The following FHIT variants were observed in gnomAD, a reference collection of about 807,000 sequenced individuals.
FHIT encodes the protein bis(5'-adenosyl)-triphosphatase.
A neutral mutation model predicts 17.9 loss-of-function variants in FHIT; 19 were observed. That is an observed-to-expected ratio of 1.06 (90% CI 0.74 to 1.56). The LOEUF (loss-of-function observed/expected upper bound fraction) is 1.56, where lower values mean the gene tolerates loss of function less well. FHIT is among the 40% of genes most tolerant of loss of function. The pLI, the probability that FHIT is intolerant of heterozygous loss-of-function variation, is 0.00. For synonymous variants in FHIT, 81 were observed against 69.7 expected (o/e 1.16, Z -0.81); for missense variants, 248 against 189.2 (o/e 1.31, Z -1.82).
chr3:59,850,403 T>G (rs1015187522), intron 8 of FHIT, among the ~76,000 whole-genome samples: 3 of 152,156 alleles, frequency 2.0e-5, no homozygotes, highest in African/African-American at 7.2e-5. Flanking sequence ...ATGGAATCCT[T>G]GTTGTTTTCT....
chr3:61,123,120 G>C (rs1466997993), intron 2 of FHIT, among the ~76,000 whole-genome samples: 1 of 152,174 alleles, frequency 6.6e-6, no homozygotes, highest in Non-Finnish European at 1.5e-5. Context: ...ATTAATGATA[G>C]ACTGGATAAA....
At chr3:59,926,193 A>G (rs1705651579) in intron 7 of FHIT, among the ~76,000 whole-genome samples, 1 of 152,238 alleles carries the variant, frequency 6.6e-6, no homozygotes, top group Non-Finnish European at 1.5e-5. Flanking sequence ...ATTTCCACAC[A>G]AAAGATGCTT....
intron 7 of FHIT, among the ~76,000 whole-genome samples, chr3:59,979,846 C>G (rs547727129): frequency 6.6e-6 from 1 of 152,108 alleles, no homozygotes; most frequent in African/African-American, 2.4e-5. Context: ...TAAAAAGCAA[C>G]AGAAATGAGA....
chr3:60,675,231 T>C (rs1163189517), intron 4 of FHIT, among the ~76,000 whole-genome samples: 2 of 152,238 alleles, frequency 1.3e-5, no homozygotes, highest in African/African-American at 2.4e-5. Flanking sequence ...TCATTGTGGC[T>C]TGAAAACTAA....
intron 5 of FHIT, among the ~76,000 whole-genome samples, chr3:60,411,675 T>C (rs76207534): frequency 0.04 from 6,085 of 152,220 alleles, 401 homozygotes; most frequent in African/African-American, 0.14. Context: ...CTTAAAATTG[T>C]GTTTTAGATT....
At chr3:60,383,652 G>A (rs1458790759) in intron 5 of FHIT, among the ~76,000 whole-genome samples, 1 of 141,184 alleles carries the variant, frequency 7.1e-6, no homozygotes, top group Non-Finnish European at 1.6e-5. Flanking sequence ...ATGGACATGA[G>A]CTACTGAAAA....
chr3:60,284,162 G>C (rs902892080), intron 5 of FHIT, among the ~76,000 whole-genome samples: 15 of 152,218 alleles, frequency 9.9e-5, no homozygotes, highest in Non-Finnish European at 2.2e-4. Context: ...AACTGAAAAT[G>C]AGAACAAACT....
At chr3:59,774,142 C>G (rs1702198088) in intron 8 of FHIT, among the ~76,000 whole-genome samples, 1 of 152,138 alleles carries the variant, frequency 6.6e-6, no homozygotes, top group Admixed American at 6.5e-5. Context: ...TGATCAAGAA[C>G]AGGCATTGGC....
intron 5 of FHIT, among the ~76,000 whole-genome samples, chr3:60,406,250 G>T (rs1282516070): frequency 6.6e-6 from 1 of 152,050 alleles, no homozygotes; most frequent in Non-Finnish European, 1.5e-5. Flanking sequence ...TGTTTATCAG[G>T]GCACAATACT....
chr3:60,138,356 C>A (rs192983521), intron 5 of FHIT, among the ~76,000 whole-genome samples: 1 of 152,106 alleles, frequency 6.6e-6, no homozygotes. Flanking sequence ...GGCTAGGAAT[C>A]CAGGTAACAA....
At chr3:60,402,618 G>C (rs973041010) in intron 5 of FHIT, among the ~76,000 whole-genome samples, 9 of 152,120 alleles carry the variant, frequency 5.9e-5, no homozygotes, top group African/African-American at 2.2e-4. Flanking sequence ...CCAGATTTCT[G>C]ACAGACACCT....
chr3:61,192,371 T>C (rs1344001775), intron 2 of FHIT, among the ~76,000 whole-genome samples: 4 of 152,178 alleles, frequency 2.6e-5, no homozygotes, highest in Admixed American at 2.6e-4. Context: ...AATAGCTGAG[T>C]GCTCAAAATC....
intron 5 of FHIT, among the ~76,000 whole-genome samples, chr3:60,104,505 C>A (rs1704326073): frequency 6.8e-6 from 1 of 146,422 alleles, no homozygotes; most frequent in Non-Finnish European, 1.5e-5. Flanking sequence ...TTACAACAAT[C>A]AGTGGGCTTA....
intron 5 of FHIT, among the ~76,000 whole-genome samples, chr3:60,408,782 T>A (rs1312841516): frequency 6.6e-6 from 1 of 152,188 alleles, no homozygotes; most frequent in Non-Finnish European, 1.5e-5. Context: ...TTGATTAAGT[T>A]CTATCCTGGC....
At chr3:60,778,199 T>C (rs1300752920) in intron 4 of FHIT, among the ~76,000 whole-genome samples, 2 of 152,194 alleles carry the variant, frequency 1.3e-5, no homozygotes, top group Admixed American at 1.3e-4. Flanking sequence ...ATAATTAAGG[T>C]TTTTATGTTA....
intron 5 of FHIT, among the ~76,000 whole-genome samples, chr3:60,481,468 G>A (rs1026372365): frequency 6.6e-6 from 1 of 152,212 alleles, no homozygotes; most frequent in African/African-American, 2.4e-5. Context: ...GAGACTAACA[G>A]TGGACCTCTC....
chr3:59,907,661 C>A (rs117373247), intron 8 of FHIT, among the ~76,000 whole-genome samples: 2 of 152,204 alleles, frequency 1.3e-5, no homozygotes, highest in Non-Finnish European at 1.5e-5. Context: ...TTTCCCCAAC[C>A]CCCAGGCTGA....
intron 5 of FHIT, among the ~76,000 whole-genome samples, chr3:60,509,375 C>T (rs2034857491): frequency 6.6e-6 from 1 of 152,118 alleles, no homozygotes; most frequent in Non-Finnish European, 1.5e-5. Context: ...ATCTTGTGTA[C>T]TATTACATAA....
chr3:60,763,784 G>A (rs1291865362), intron 4 of FHIT, among the ~76,000 whole-genome samples: 2 of 152,188 alleles, frequency 1.3e-5, no homozygotes, highest in African/African-American at 4.8e-5. Flanking sequence ...TAGCTCTCTT[G>A]TCAGGGATAA....
Sources: gnomAD v4.1 joint callset for allele counts (sites outside exome capture counted in the v4.1 genomes callset) on GRCh38, gnomAD v4.1.1 for gene constraint, MANE v1.5 for transcripts, NCBI Gene and HGNC (gene_info 2026-07-23, HGNC 2026-07-21) for gene names.